MAP4K4: variants seen among roughly 807,000 people sequenced by gnomAD.
The protein encoded by MAP4K4 is HPK/GCK-like kinase HGK.
A neutral mutation model predicts 189.6 loss-of-function variants in MAP4K4; 38 were observed. The ratio of observed to expected loss-of-function variants is 0.20; its 90% CI spans 0.15 to 0.26. The LOEUF is 0.26. Among genes scored for constraint, MAP4K4 ranks in the 10% least tolerant of loss-of-function variants. MAP4K4 has a pLI of 1.00. For synonymous variants in MAP4K4, 610 were observed against 624.3 expected (o/e 0.98, Z 0.34); for missense variants, 1,054 against 1,726.9 (o/e 0.61, Z 6.91).
chr2:101,703,709 T>C (rs2037826998), intron 2 of MAP4K4, among the ~76,000 whole-genome samples: 1 of 151,372 alleles, frequency 6.6e-6, no homozygotes, highest in African/African-American at 2.4e-5. Flanking sequence ...ATATAGATTG[T>C]CTGGCTTTTA....
At chr2:101,861,890 T>C (rs13425874) in intron 16 of MAP4K4, 15,287 of 151,064 alleles carry the variant, frequency 0.1, 1,345 homozygotes, top group African/African-American at 0.24. Flanking sequence ...CAAAAGTTTA[T>C]GTTCTTGTGG....
At chr2:101,891,610 G>A (rs1405026036) in exon 33 of MAP4K4, 3 of 178,006 alleles carry the variant, frequency 1.7e-5, no homozygotes, top group African/African-American at 7.1e-5. Flanking sequence ...GTGTCTGACA[G>A]TGGCGACGAT....
intron 24 of MAP4K4, among the ~76,000 whole-genome samples, chr2:101,873,024 C>G (rs568337606): frequency 1.1e-3 from 169 of 151,834 alleles, no homozygotes; most frequent in Non-Finnish European, 1.6e-3. Context: ...GTTTTTTTGT[C>G]TTAAGTTACA....
Position 101,784,583 on chromosome 2 carries a change from A to C in MAP4K4, c.124-6137A>C, listed in dbSNP as rs143915628. Among the ~76,000 whole-genome samples the C allele has an allele frequency of 5.6e-3, 856 of 152,334 alleles. 3 individuals carry two copies. The highest frequency in any genetic ancestry group is 8.7e-3 in the Non-Finnish European group (589 of 68,026). On this transcript the variant is annotated intron_variant, in intron 2 of 32. Transcript: ENST00000324219. ...ACAAATAAAAGCCTCTTACAGTTTC[A>C]GAAAGCCATGGACCACAGTGGCTTG...
intron 2 of MAP4K4, among the ~76,000 whole-genome samples, chr2:101,780,235 C>G (rs1482070655): frequency 6.6e-6 from 1 of 152,082 alleles, no homozygotes; most frequent in African/African-American, 2.4e-5. Flanking sequence ...GATGAGGAGC[C>G]CAGAATGGAA....
chr2:101,780,114 G>A (rs908922607), intron 2 of MAP4K4, among the ~76,000 whole-genome samples: 2 of 152,138 alleles, frequency 1.3e-5, no homozygotes, highest in African/African-American at 4.8e-5. Flanking sequence ...GTAGGTTCAC[G>A]GGCAGTGTAT....
chr2:101,873,918 T>C (rs192275574), intron 25 of MAP4K4, among the ~76,000 whole-genome samples, 154 bp downstream of exon 25: 117 of 152,360 alleles, frequency 7.7e-4, no homozygotes, highest in African/African-American at 2.0e-3. Context: ...TGCAATGAGA[T>C]GCAGAGTCCA....
At chr2:101,716,241 A>C (rs2149373527) in intron 2 of MAP4K4, among the ~76,000 whole-genome samples, 1 of 152,310 alleles carries the variant, frequency 6.6e-6, no homozygotes, top group South Asian at 2.1e-4. Context: ...CAGGAGATTG[A>C]GACCATCCTG....
chr2:101,748,625 A>G (rs979036248), intron 2 of MAP4K4, among the ~76,000 whole-genome samples: 1 of 152,192 alleles, frequency 6.6e-6, no homozygotes, highest in Non-Finnish European at 1.5e-5. Flanking sequence ...CGTGAGTGAC[A>G]TGGCAAAACC....
chr2:101,851,512 C>G (rs534112073), intron 12 of MAP4K4, among the ~76,000 whole-genome samples: 1 of 152,174 alleles, frequency 6.6e-6, no homozygotes, highest in East Asian at 1.9e-4. Flanking sequence ...AGTTCTAATG[C>G]AAGAGGCCAG....
Position 101,831,645 on chromosome 2 carries a change from T to A in MAP4K4, c.509-76T>A, listed in dbSNP as rs1407645363. ...AGTTTACTATGAAGACATTTCCTCC[T>A]TGTGTTTTTTCCCAAGTATATCTGG... On this transcript the variant is annotated intron_variant, in intron 6 of 32. Coordinates refer to ENST00000324219, the Ensembl canonical transcript of MAP4K4. The A allele has an allele frequency of 6.9e-6, 10 of 1,458,404 alleles. No homozygotes were observed. The East Asian group carries it at 2.5e-4, about 36-fold the overall frequency. The allele number at this position is 1,458,404 out of a possible 1,614,324, so 90.3% of individuals were successfully genotyped here. A position where few individuals can be genotyped will look rare whatever the true frequency, so the allele number is the denominator to read the frequency against.
intron 3 of MAP4K4, among the ~76,000 whole-genome samples, chr2:101,810,153 G>C (rs1417984504): frequency 6.6e-6 from 1 of 152,156 alleles, no homozygotes; most frequent in Admixed American, 6.5e-5. Context: ...AAAAACAGGA[G>C]GGAACCCTTT....
chr2:101,752,911 G>T (rs1205379015), intron 2 of MAP4K4, among the ~76,000 whole-genome samples: 7 of 152,188 alleles, frequency 4.6e-5, no homozygotes, highest in Admixed American at 4.6e-4. Flanking sequence ...GGCTCCGACT[G>T]TAGGGAGCAT....
chr2:101,752,150 T>C (rs2069425988), intron 2 of MAP4K4, among the ~76,000 whole-genome samples: 1 of 152,220 alleles, frequency 6.6e-6, no homozygotes, highest in Admixed American at 6.5e-5. Flanking sequence ...CCTCCCTGTT[T>C]TTCCAGGGTT....
chr2:101,864,330 C>G, intron 17 of MAP4K4, among the ~76,000 whole-genome samples: 1 of 152,084 alleles, frequency 6.6e-6, no homozygotes, highest in East Asian at 1.9e-4. Flanking sequence ...AATTCATAAT[C>G]TATTTTAGCA....
chr2:101,860,816 C>G lies in MAP4K4; in HGVS notation c.1705-9C>G. The G allele has an allele frequency of 6.3e-7, 1 of 1,599,642 alleles. No homozygotes were observed. Among genetic ancestry groups the G allele is most frequent in the Non-Finnish European group, 8.5e-7 (1 of 1,172,758 alleles). ...ACACTGAGTTATGTCTTCTAATTCT[C>G]TGATGCAGGTGGAAGATAGATTTAG... is the stretch of plus-strand genomic sequence containing the variant. On this transcript the variant is annotated splice_polypyrimidine_tract_variant and intron_variant, in intron 15 of 32. Transcript: ENST00000324219.
At chr2:101,886,704 G>A (rs569346796) in intron 29 of MAP4K4, among the ~76,000 whole-genome samples, 1 of 152,266 alleles carries the variant, frequency 6.6e-6, no homozygotes, top group African/African-American at 2.4e-5. Flanking sequence ...CTCAGTAATT[G>A]CATAACTGAG....
chr2:101,875,172 C>T (rs2098164093), intron 26 of MAP4K4, among the ~76,000 whole-genome samples: 1 of 152,152 alleles, frequency 6.6e-6, no homozygotes, highest in African/African-American at 2.4e-5. Flanking sequence ...CCAATAATTT[C>T]TAAGCTGTTT....
chr2:101,886,712 G>A (rs2098487957), intron 29 of MAP4K4, among the ~76,000 whole-genome samples: 1 of 152,194 alleles, frequency 6.6e-6, no homozygotes, highest in Non-Finnish European at 1.5e-5. Flanking sequence ...TTGCATAACT[G>A]AGTATGTTGG....
Sources: gnomAD v4.1 joint callset for allele counts (sites outside exome capture counted in the v4.1 genomes callset) on GRCh38, gnomAD v4.1.1 for gene constraint, MANE v1.5 for transcripts, NCBI Gene and HGNC (gene_info 2026-07-23, HGNC 2026-07-21) for gene names.